Variants in PTK2 observed in about 807,000 individuals in gnomAD.
The protein encoded by PTK2 is focal adhesion kinase 1.
A neutral mutation model predicts 150.1 loss-of-function variants in PTK2; 45 were observed. The ratio of observed to expected loss-of-function variants is 0.30; its 90% CI spans 0.24 to 0.38. PTK2 has a LOEUF of 0.38. PTK2 is among the 10% of genes least tolerant of loss of function. The probability of loss-of-function intolerance (pLI) is 1.00; values close to 1 mark genes in which losing one functional copy is unlikely to be tolerated. For synonymous variants in PTK2, 432 were observed against 449.2 expected (o/e 0.96, Z 0.48); for missense variants, 919 against 1,307.3 (o/e 0.70, Z 4.58).
At chr8:140,698,758 G>C (rs1590948356) in intron 26 of PTK2, among the ~76,000 whole-genome samples, 1 of 152,124 alleles carries the variant, frequency 6.6e-6, no homozygotes, top group Non-Finnish European at 1.5e-5. Flanking sequence ...GGGATTACAG[G>C]CATGCATCAC....
At chr8:140,818,994 T>C (rs1055300083) in exon 9 of PTK2, 1 of 1,613,144 alleles carries the variant, frequency 6.2e-7, no homozygotes, top group African/African-American at 1.3e-5. Context: ...TAAATGTTTG[T>C]TGGATCAGTT....
chr8:140,769,022 T>C (rs533596855), intron 14 of PTK2, among the ~76,000 whole-genome samples: 1 of 152,304 alleles, frequency 6.6e-6, no homozygotes, highest in Admixed American at 6.5e-5. Flanking sequence ...AAGCAGTATA[T>C]GAAGTAGATG....
chr8:140,861,790 A>G (rs2100136257), intron 5 of PTK2, among the ~76,000 whole-genome samples: 1 of 152,226 alleles, frequency 6.6e-6, no homozygotes, highest in South Asian at 2.1e-4. Context: ...CAAGCACACG[A>G]CTGTATTCAC....
intron 17 of PTK2, among the ~76,000 whole-genome samples, chr8:140,749,119 C>T (rs930506013): frequency 1.3e-5 from 2 of 152,010 alleles, no homozygotes; most frequent in Non-Finnish European, 2.9e-5. Context: ...TACAAGTTTT[C>T]CCTCATATTC....
intron 5 of PTK2, among the ~76,000 whole-genome samples, chr8:140,851,246 A>G (rs1453655158): frequency 6.6e-6 from 1 of 152,262 alleles, no homozygotes; most frequent in African/African-American, 2.4e-5. Context: ...TAAGCTATAA[A>G]AATATACAAA....
intron 4 of PTK2, among the ~76,000 whole-genome samples, chr8:140,869,100 G>A (rs1347152785): frequency 2.6e-5 from 4 of 151,900 alleles, no homozygotes; most frequent in East Asian, 3.9e-4. Flanking sequence ...TGTAGCTGTG[G>A]TGACAAACAC....
At chr8:140,763,710 T>A (rs899936141) in intron 15 of PTK2, among the ~76,000 whole-genome samples, 2 of 152,018 alleles carry the variant, frequency 1.3e-5, no homozygotes, top group Non-Finnish European at 2.9e-5. Context: ...ACACCTCCCA[T>A]CCCTGAGGTG....
intron 5 of PTK2, among the ~76,000 whole-genome samples, chr8:140,849,899 A>G (rs2100128090): frequency 6.6e-6 from 1 of 152,130 alleles, no homozygotes. Flanking sequence ...CTACTTGTCA[A>G]CTCTTTCACA....
intron 30 of PTK2, among the ~76,000 whole-genome samples, chr8:140,667,390 A>G (rs1214334295): frequency 2.0e-5 from 3 of 152,170 alleles, no homozygotes; most frequent in African/African-American, 7.2e-5. Context: ...CCAACATGCC[A>G]GTCTGTACTC....
At chr8:140,938,135 G>A (rs984415869) in intron 1 of PTK2, among the ~76,000 whole-genome samples, 9 of 152,094 alleles carry the variant, frequency 5.9e-5, no homozygotes, top group Non-Finnish European at 1.2e-4. Context: ...AAAGAGAGAC[G>A]ATGCAAATAG....
chr8:140,693,216 C>A (rs1033109470), intron 26 of PTK2, among the ~76,000 whole-genome samples: 5 of 152,038 alleles, frequency 3.3e-5, no homozygotes, highest in African/African-American at 1.2e-4. Context: ...TTTGCAGGCA[C>A]AGAACTATTT....
chr8:140,861,966 C>G (rs927750975), intron 5 of PTK2, among the ~76,000 whole-genome samples: 3 of 152,108 alleles, frequency 2.0e-5, no homozygotes, highest in African/African-American at 7.2e-5. Context: ...ATAAAGACCG[C>G]TGAACTGAAT....
chr8:140,753,901 A>G (rs977131060), intron 16 of PTK2, among the ~76,000 whole-genome samples: 73 of 152,360 alleles, frequency 4.8e-4, no homozygotes, highest in African/African-American at 1.6e-3. Flanking sequence ...TGCTATTAAT[A>G]TATTTCTTTT....
chr8:140,934,738 T>C (rs189397842), intron 1 of PTK2: 1 of 152,386 alleles, frequency 6.6e-6, no homozygotes, highest in Admixed American at 6.5e-5. Flanking sequence ...TATCAAGTTA[T>C]ATTCTGCTAA....
At chr8:140,722,570 T>C (rs973006011) in intron 22 of PTK2, among the ~76,000 whole-genome samples, 5 of 152,174 alleles carry the variant, frequency 3.3e-5, no homozygotes, top group African/African-American at 9.7e-5. Context: ...GCCCAGCCCC[T>C]GTTCTCTCAA....
chr8:140,662,001 T>G (rs2080975297), intron 31 of PTK2, among the ~76,000 whole-genome samples: 1 of 152,054 alleles, frequency 6.6e-6, no homozygotes, highest in African/African-American at 2.4e-5. Flanking sequence ...CCTCTTCTTT[T>G]CAAAAATGAT....
At chr8:140,784,071 A>C (rs1265791689) in intron 14 of PTK2, among the ~76,000 whole-genome samples, 2 of 152,120 alleles carry the variant, frequency 1.3e-5, no homozygotes, top group African/African-American at 4.8e-5. Context: ...GCAGAGGCAG[A>C]GGCAGGAGGC....
At chr8:140,771,685 T>C (rs1264168834) in intron 14 of PTK2, among the ~76,000 whole-genome samples, 1 of 152,214 alleles carries the variant, frequency 6.6e-6, no homozygotes, top group East Asian at 1.9e-4. Flanking sequence ...GGTAACAATC[T>C]TATTGACATT....
At chr8:140,862,801 TCAAA>T (rs1203109815) in intron 5 of PTK2, among the ~76,000 whole-genome samples, 2 of 152,054 alleles carry the variant, frequency 1.3e-5, no homozygotes, top group African/African-American at 2.4e-5. Flanking sequence ...TGATCTGAGG[TCAAA>T]CAGTTTCATC....
Sources: allele counts gnomAD v4.1 joint callset (sites outside exome capture counted in the v4.1 genomes callset), GRCh38; gene constraint gnomAD v4.1.1; transcripts MANE v1.5; gene names NCBI Gene and HGNC (gene_info 2026-07-23, HGNC 2026-07-21).